ACOX2: variants seen among roughly 807,000 people sequenced by gnomAD.
The protein encoded by ACOX2 is acyl-CoA oxidase 2, also known as peroxisomal acyl-coenzyme A oxidase 2.
ACOX2 carries 59 observed loss-of-function variants against 77.5 expected under a neutral mutation model. The observed-to-expected ratio is 0.76, with a 90% CI of 0.62 to 0.95. ACOX2 has a LOEUF of 0.95. Among genes scored for constraint, ACOX2 ranks in the 40% least tolerant of loss-of-function variants. The pLI is 0.00. For synonymous variants in ACOX2, 317 were observed against 340.1 expected (o/e 0.93, Z 0.75); for missense variants, 837 against 880.4 (o/e 0.95, Z 0.62).
Position 58,517,292 on chromosome 3 carries a change from C to A in ACOX2, c.1764G>T (p.Ser588=), listed in dbSNP as rs144682871. ...LHAIHGILTN[S]GDFLHDAFLS... is the part of the protein sequence containing the mutation. Reference sequence around the variant, plus strand: ...GGAAGGCGTCATGGAGAAAGTCACCCGAGTTAGTCAAGATTCCATGTATGG... The same window carrying A: ...GGAAGGCGTCATGGAGAAAGTCACCAGAGTTAGTCAAGATTCCATGTATGG... Residue 588 remains serine, a synonymous_variant, in exon 13 of 15, where the codon TCG becomes TCT. Coordinates refer to ENST00000302819, the MANE Select transcript of ACOX2 (RefSeq NM_003500.4). 9 of 1,614,162 alleles carry A rather than the reference C, an allele frequency of 5.6e-6. No individual in the cohort carries two copies. The South Asian group carries it at 7.7e-5, about 14-fold the overall frequency.
Position 58,517,372 on chromosome 3 carries a change from G to C in ACOX2, c.1684C>G (p.Leu562Val), listed in dbSNP as rs766617786. 6.2e-7 allele frequency: 1 copy of C among 1,614,122 alleles called. No homozygotes were observed. Among genetic ancestry groups the C allele is most frequent in the Admixed American group, 1.7e-5 (1 of 60,020 alleles). ...TGCTGAATCGCTGGTTCATTTTCTAGTTTCTCCAGAGCTTCTGTAAAACCC... is the reference window on the plus strand; with the variant it reads ...TGCTGAATCGCTGGTTCATTTTCTACTTTCTCCAGAGCTTCTGTAAAACCC... ...VKGFTEALEK[L>V]ENEPAIQQVL... Residue 562 changes from leucine (L) to valine (V), a missense_variant, in exon 13 of 15, where the codon CTA becomes GTA. Physicochemically the swap from Leu to Val is conservative, Grantham distance 32. Coordinates refer to ENST00000302819, the MANE Select transcript of ACOX2 (RefSeq NM_003500.4).
chr3:58,522,585 C>T lies in ACOX2; in HGVS notation c.1543G>A (p.Val515Met), dbSNP rs1349478201. 1 of 1,614,180 alleles carries T rather than the reference C, an allele frequency of 6.2e-7. No homozygotes were observed. Among genetic ancestry groups the T allele is most frequent in the Non-Finnish European group, 8.5e-7 (1 of 1,180,032 alleles). ...TGCGTCAGGGTCTGTAAATGCTGCA[C>T]TGAGTCCTTTATGAGCCTGAAAGCC... is the stretch of plus-strand genomic sequence containing the variant. The part of the protein sequence containing the change: ...HVAVRLIKDS[V>M]QHLQTLTQSG... The change falls in exon 12 of 15, where the codon GTG becomes ATG. Residue 515 changes from valine (V) to methionine (M), a missense_variant. Transcript: ENST00000302819. The surrounding 1 kb of genome is among the most constrained non-coding windows in gnomAD (Gnocchi z 4.3).
chr3:58,517,312 G>T lies in ACOX2; in HGVS notation c.1744C>A (p.His582Asn). Residue 582 changes from histidine (H) to asparagine (N), a missense_variant, in exon 13 of 15, where the codon CAT becomes AAT. By Grantham distance (68) the His-to-Asn change is moderately conservative. Coordinates refer to ENST00000302819, the MANE Select transcript of ACOX2 (RefSeq NM_003500.4). ...TCACCCGAGTTAGTCAAGATTCCATGTATGGCATGGAGGTCACAGAGGCGC... is the reference window on the plus strand; with the variant it reads ...TCACCCGAGTTAGTCAAGATTCCATTTATGGCATGGAGGTCACAGAGGCGC... Reference protein sequence around the residue: ...LKRLCDLHAIHGILTNSGDFL... With the variant: ...LKRLCDLHAINGILTNSGDFL... 6.2e-7 allele frequency: 1 copy of T among 1,614,214 alleles called. No individual in the cohort carries two copies. The highest frequency in any genetic ancestry group is 8.5e-7 in the Non-Finnish European group (1 of 1,180,036).
chr3:58,505,974 A>G lies in ACOX2; in HGVS notation c.1984-688T>C, dbSNP rs1336593141. On this transcript the variant is annotated intron_variant, in intron 14 of 14. Coordinates refer to ENST00000302819, the MANE Select transcript of ACOX2 (RefSeq NM_003500.4). This position sits in a 1 kb window ranked among gnomAD's most constrained non-coding sequence, Gnocchi z 4.4. ...CCTGGCTAATTTTTGTATTTTTAATAGAGACGGAGTTTTGCCATGTTGGCC... is the reference window on the plus strand; with the variant it reads ...CCTGGCTAATTTTTGTATTTTTAATGGAGACGGAGTTTTGCCATGTTGGCC... Among the ~76,000 whole-genome samples the G allele has an allele frequency of 1.3e-5, 2 of 152,160 alleles. No individual in the cohort carries two copies. Among genetic ancestry groups the G allele is most frequent in the African/African-American group, 4.8e-5 (2 of 41,436 alleles).
Position 58,534,044 on chromosome 3 carries a change from C to T in ACOX2, c.425G>A (p.Cys142Tyr), listed in dbSNP as rs771292905. 2 of 1,614,178 alleles carry T rather than the reference C, an allele frequency of 1.2e-6. No homozygotes were observed. The highest frequency in any genetic ancestry group is 1.7e-5 in the Admixed American group (1 of 60,014). The part of the protein sequence containing the change: ...EEQIAKWDPL[C>Y]KNIQIIATYA... ...CGTTGCGATGATCTGGATGTTTTTGCAGAGTGGGTCCCATTTGGCAATCTG... is the reference window on the plus strand; with the variant it reads ...CGTTGCGATGATCTGGATGTTTTTGTAGAGTGGGTCCCATTTGGCAATCTG... Residue 142 changes from cysteine to tyrosine, a missense_variant, in exon 4 of 15, where the codon TGC becomes TAC. Transcript: ENST00000302819. The surrounding 1 kb of genome is among the most constrained non-coding windows in gnomAD (Gnocchi z 4.8).
Position 58,534,690 on chromosome 3 carries a change from T to C in ACOX2, c.161-168A>G. The C allele has an allele frequency of 6.7e-7, 1 of 1,490,478 alleles. No individual in the cohort carries two copies. Among genetic ancestry groups the C allele is most frequent in the African/African-American group, 1.4e-5 (1 of 72,458 alleles). The allele number at this position is 1,490,478 out of a possible 1,614,324, so 92.3% of individuals were successfully genotyped here. On this transcript the variant is annotated intron_variant, in intron 2 of 14. Coordinates refer to ENST00000302819, the MANE Select transcript of ACOX2 (RefSeq NM_003500.4). The surrounding 1 kb of genome is among the most constrained non-coding windows in gnomAD (Gnocchi z 4.8). ...GGTGGGAAAGTGAATTGCCCAAGGTTACAAAGCTATGCAGTGGCAGAATTT... is the reference window on the plus strand; with the variant it reads ...GGTGGGAAAGTGAATTGCCCAAGGTCACAAAGCTATGCAGTGGCAGAATTT...
At chr3:58,518,653 A>G (rs926269367) in intron 12 of ACOX2, among the ~76,000 whole-genome samples, 1 of 152,170 alleles carries the variant, frequency 6.6e-6, no homozygotes, top group Admixed American at 6.5e-5. Flanking sequence ...TTTTTCTGAG[A>G]TAGAATCTCA....
At position 58,519,158 on chromosome 3, in the gene ACOX2, C is replaced by T. The variant is rs1219795854; in HGVS notation, c.1633-1735G>A. Reference sequence around the variant, plus strand: ...CAGCACTTTGGGAAGTTGAGGTGGGCGGACCACTTGAGGTCAGGAGTTCGA... The same window carrying T: ...CAGCACTTTGGGAAGTTGAGGTGGGTGGACCACTTGAGGTCAGGAGTTCGA... On this transcript the variant is annotated intron_variant, in intron 12 of 14. Coordinates refer to ENST00000302819, the MANE Select transcript of ACOX2 (RefSeq NM_003500.4). The surrounding 1 kb of genome is among the most constrained non-coding windows in gnomAD (Gnocchi z 5.0). 2.6e-5 allele frequency among the ~76,000 whole-genome samples: 4 copies of T among 151,892 alleles called. No homozygotes were observed. Among genetic ancestry groups the T allele is most frequent in the East Asian group, 2.0e-4 (1 of 5,076 alleles).
chr3:58,524,732 AGGCCTCTGCCT>A lies in ACOX2; in HGVS notation c.1347-138_1347-128del. The A allele has an allele frequency of 9.2e-7, 1 of 1,088,090 alleles. No individual in the cohort carries two copies. Among genetic ancestry groups the A allele is most frequent in the South Asian group, 1.6e-5 (1 of 63,046 alleles). 67.4% of individuals were successfully genotyped at this position (1,088,090 alleles called of 1,614,324 possible). On this transcript the variant is annotated intron_variant, in intron 10 of 14. Coordinates refer to ENST00000302819, the MANE Select transcript of ACOX2 (RefSeq NM_003500.4). This position sits in a 1 kb window ranked among gnomAD's most constrained non-coding sequence, Gnocchi z 5.5. ...CTTCCCGTGGGAGAGCCAGGTCACCAGGCCTCTGCCTGGCCTCCCTCCTGAGGGTTCCCCCT... is the reference window on the plus strand; with the variant it reads ...CTTCCCGTGGGAGAGCCAGGTCACCAGGCCTCCCTCCTGAGGGTTCCCCCT...
rs761692896 is a variant in ACOX2 at position 58,530,686 on chromosome 3, G to C, written c.820-48C>G. ...CAAGTTCTGGGCCAAGGCTTCCCAGGATGCCCTCGCTTCTCCAGAGCTGTG... is the reference window on the plus strand; with the variant it reads ...CAAGTTCTGGGCCAAGGCTTCCCAGCATGCCCTCGCTTCTCCAGAGCTGTG... On this transcript the variant is annotated intron_variant, in intron 7 of 14. Transcript: ENST00000302819. 1.4e-5 allele frequency: 22 copies of C among 1,573,510 alleles called. No individual in the cohort carries two copies. In the Admixed American group the frequency reaches 3.7e-4, roughly 26 times the overall value.
Position 58,534,290 on chromosome 3 carries a change from T to G in ACOX2, c.323+70A>C. On this transcript the variant is annotated intron_variant, in intron 3 of 14. Coordinates refer to ENST00000302819, the MANE Select transcript of ACOX2 (RefSeq NM_003500.4). The surrounding 1 kb of genome is among the most constrained non-coding windows in gnomAD (Gnocchi z 4.8). The stretch of plus-strand genomic sequence containing the variant: ...TCCCTTTGTTGGGGGAAATGGCTCA[T>G]GGGGCTAGGGGGTTTCCAGGTGATC... The G allele has an allele frequency of 6.3e-7, 1 of 1,589,134 alleles. No individual in the cohort carries two copies.
Position 58,523,757 on chromosome 3 carries a change from G to C in ACOX2, c.1526+669C>G, listed in dbSNP as rs1487720594. ...AGCCACCATGCCCAGCCTGTTTTCG[G>C]TGTTTTAATTTGGGGGCAGCATTCA... is the stretch of plus-strand genomic sequence containing the variant. On this transcript the variant is annotated intron_variant, in intron 11 of 14. Transcript: ENST00000302819. The surrounding 1 kb of genome is among the most constrained non-coding windows in gnomAD (Gnocchi z 5.3). Among the ~76,000 whole-genome samples, 2 of 152,038 alleles carry C rather than the reference G, an allele frequency of 1.3e-5. No homozygotes were observed. Among genetic ancestry groups the C allele is most frequent in the Non-Finnish European group, 2.9e-5 (2 of 68,006 alleles).
rs1237825013 is a variant in ACOX2 at position 58,524,255 on chromosome 3, A to T, written c.1526+171T>A. On this transcript the variant is annotated intron_variant, in intron 11 of 14. Coordinates refer to ENST00000302819, the MANE Select transcript of ACOX2 (RefSeq NM_003500.4). The surrounding 1 kb of genome is among the most constrained non-coding windows in gnomAD (Gnocchi z 5.5). ...CGGGGGTCCATGGCTGATGGGGGGG[A>T]CATCCCCTCTCTCTGCCCATGGTGG... Among the ~76,000 whole-genome samples the T allele has an allele frequency of 6.6e-6, 1 of 152,170 alleles. No homozygotes were observed. Among genetic ancestry groups the T allele is most frequent in the Non-Finnish European group, 1.5e-5 (1 of 68,022 alleles).
At chr3:58,537,098 C>T (rs1410901157) in intron 1 of ACOX2, 21 bp downstream of exon 1, 2 of 152,940 alleles carry the variant, frequency 1.3e-5, no homozygotes, top group Non-Finnish European at 2.9e-5. Context: ...CAGTCCCTCC[C>T]TGCCCAAAAA....
In ACOX2 at chr3:58,509,131, C is replaced by T. The variant is rs544494678; in HGVS notation, c.1851-106G>A. ...CCTAATTAGAGGTTGCATGATTATT[C>T]GCTTTTCAAACAATTCAGCATTTTT... On this transcript the variant is annotated intron_variant, in intron 13 of 14. Transcript: ENST00000302819. 55 of 1,345,542 alleles carry T rather than the reference C, an allele frequency of 4.1e-5. 1 individual carries two copies. The South Asian group carries it at 4.3e-4, about 10-fold the overall frequency. 83.4% of individuals were successfully genotyped at this position (1,345,542 alleles called of 1,614,324 possible). A position where few individuals can be genotyped will look rare whatever the true frequency, so the allele number is the denominator to read the frequency against.
chr3:58,517,272 G>T lies in ACOX2; in HGVS notation c.1784C>A (p.Ala595Asp). 6.2e-7 allele frequency: 1 copy of T among 1,614,054 alleles called. No individual in the cohort carries two copies. The highest frequency in any genetic ancestry group is 2.2e-5 in the East Asian group (1 of 44,890). The change falls in exon 13 of 15, where the codon GCC (alanine) becomes GAC (aspartate). Residue 595 changes from alanine (A) to aspartate (D), a missense_variant. Transcript: ENST00000302819. ...LTNSGDFLHD[A>D]FLSGAQVDMA... ...GTCCACTTGGGCACCAGACAGGAAG[G>T]CGTCATGGAGAAAGTCACCCGAGTT...
In ACOX2 at chr3:58,522,400, G is replaced by A; in HGVS notation, c.1632+96C>T. ...TGAGGGCAGCCGCCACTGAAGCAGA[G>A]TTGGGGAATAATGGCAGAGCCCGGA... is the stretch of plus-strand genomic sequence containing the variant. On this transcript the variant is annotated intron_variant, in intron 12 of 14. Coordinates refer to ENST00000302819, the MANE Select transcript of ACOX2 (RefSeq NM_003500.4). This position sits in a 1 kb window ranked among gnomAD's most constrained non-coding sequence, Gnocchi z 4.3. 1 of 1,206,274 alleles carries A rather than the reference G, an allele frequency of 8.3e-7. No individual in the cohort carries two copies. The highest frequency in any genetic ancestry group is 1.2e-6 in the Non-Finnish European group (1 of 826,496). The allele number at this position is 1,206,274 out of a possible 1,614,324, so 74.7% of individuals were successfully genotyped here.
At chr3:58,509,610 G>GT (rs148187288) in intron 13 of ACOX2, among the ~76,000 whole-genome samples, 52,343 of 113,170 alleles carry the variant, frequency 0.46, 10,636 homozygotes, top group Middle Eastern at 0.55. Flanking sequence ...ATTTCAATCT[G>GT]TTTTTTTTTT....
intron 12 of ACOX2, among the ~76,000 whole-genome samples, chr3:58,520,876 G>A (rs1177437188): frequency 3.3e-5 from 5 of 152,160 alleles, no homozygotes. Flanking sequence ...AGTGGTGTGG[G>A]AAGGGAAAGC....
Sources: allele counts gnomAD v4.1 joint callset (sites outside exome capture counted in the v4.1 genomes callset), GRCh38; gene constraint gnomAD v4.1.1; non-coding constraint Gnocchi (gnomAD v3.1); transcripts MANE v1.5; gene names NCBI Gene and HGNC (gene_info 2026-07-23, HGNC 2026-07-21).